ACSS3: variants seen among roughly 807,000 people sequenced by gnomAD.
ACSS3 encodes the protein acyl-CoA synthetase short-chain family member 3, mitochondrial.
In ACSS3, 64 loss-of-function variants were observed where a neutral mutation model predicts 84.2. That is an observed-to-expected ratio of 0.76 (90% CI 0.62 to 0.94). ACSS3 has a LOEUF of 0.94. Among genes scored for constraint, ACSS3 ranks in the 40% least tolerant of loss-of-function variants. The pLI is 0.00. For synonymous variants in ACSS3, 317 were observed against 310.1 expected, an observed-to-expected ratio of 1.02 and a Z score of -0.23; for missense variants, 815 against 867.6, an observed-to-expected ratio of 0.94 and a Z score of 0.76.
At chr12:81,217,886 G>A (rs1166810509) in intron 10 of ACSS3, among the ~76,000 whole-genome samples, 1 of 151,890 alleles carries the variant, frequency 6.6e-6, no homozygotes, top group African/African-American at 2.4e-5. Context: ...CAAAGGGGGA[G>A]GATCCCAAAA....
At chr12:81,248,881 A>C (rs895048942) in intron 13 of ACSS3, among the ~76,000 whole-genome samples, 1 of 151,976 alleles carries the variant, frequency 6.6e-6, no homozygotes, top group Non-Finnish European at 1.5e-5. Context: ...GTACAAAAAA[A>C]CCGTAAAATT....
At chr12:81,156,209 C>CCACA (rs34147790) in intron 7 of ACSS3, among the ~76,000 whole-genome samples, 44,362 of 146,810 alleles carry the variant, frequency 0.3, 8,162 homozygotes, top group Non-Finnish European at 0.42. Context: ...CACACACACC[C>CCACA]CACACACACA....
chr12:81,085,660 AT>A (rs1322966552), intron 1 of ACSS3, among the ~76,000 whole-genome samples: 1 of 152,208 alleles, frequency 6.6e-6, no homozygotes, highest in African/African-American at 2.4e-5. Context: ...CCTGAAAAAG[AT>A]TTTTGGCTAC....
At chr12:81,089,830 T>C (rs1410986574) in intron 1 of ACSS3, among the ~76,000 whole-genome samples, 5 of 152,032 alleles carry the variant, frequency 3.3e-5, no homozygotes, top group Admixed American at 6.6e-5. Flanking sequence ...ATTATCTCTT[T>C]GAATCTTCCC....
intron 7 of ACSS3, among the ~76,000 whole-genome samples, chr12:81,159,600 T>A (rs1461849150): frequency 6.6e-6 from 1 of 152,202 alleles, no homozygotes; most frequent in Non-Finnish European, 1.5e-5. Flanking sequence ...ATGGTACTTC[T>A]TTAGAAATCT....
At chr12:81,144,543 G>A (rs981214032) in intron 5 of ACSS3, among the ~76,000 whole-genome samples, 8 of 152,038 alleles carry the variant, frequency 5.3e-5, no homozygotes, top group African/African-American at 1.9e-4. Flanking sequence ...CTGAACATTT[G>A]GCTATAAAAT....
chr12:81,248,609 A>G (rs1354393013), intron 13 of ACSS3, among the ~76,000 whole-genome samples: 1 of 151,974 alleles, frequency 6.6e-6, no homozygotes, highest in Non-Finnish European at 1.5e-5. Context: ...GTACAAATAA[A>G]CAGTTAGATA....
intron 2 of ACSS3, among the ~76,000 whole-genome samples, chr12:81,120,701 T>C (rs1050269633): frequency 1.3e-5 from 2 of 152,192 alleles, no homozygotes; most frequent in Non-Finnish European, 2.9e-5. Flanking sequence ...CTCACATTTG[T>C]GCACTGGGTA....
chr12:81,115,032 A>G (rs1883921436), intron 2 of ACSS3, among the ~76,000 whole-genome samples: 1 of 152,076 alleles, frequency 6.6e-6, no homozygotes, highest in Non-Finnish European at 1.5e-5. Flanking sequence ...TTTTCACTCA[A>G]CTTTCTGGTG....
intron 7 of ACSS3, chr12:81,158,362 C>G (rs1353829640): frequency 6.5e-6 from 1 of 153,564 alleles, no homozygotes; most frequent in African/African-American, 2.4e-5. Flanking sequence ...CTCTTTAAGG[C>G]CTTGTCTACA....
intron 1 of ACSS3, among the ~76,000 whole-genome samples, chr12:81,088,141 A>G (rs1881439720): frequency 6.6e-6 from 1 of 152,066 alleles, no homozygotes; most frequent in Non-Finnish European, 1.5e-5. Flanking sequence ...CAGAGCTTCA[A>G]TTCTTAGTTC....
chr12:81,197,818 G>C (rs1280990085), intron 8 of ACSS3, among the ~76,000 whole-genome samples: 1 of 151,754 alleles, frequency 6.6e-6, no homozygotes, highest in Non-Finnish European at 1.5e-5. Context: ...ATTTTTCCTT[G>C]TATTTTTCTT....
At chr12:81,130,854 A>T (rs1469173764) in intron 2 of ACSS3, among the ~76,000 whole-genome samples, 3 of 152,220 alleles carry the variant, frequency 2.0e-5, no homozygotes, top group Non-Finnish European at 4.4e-5. Flanking sequence ...ATAGCTAGCC[A>T]GTTCTTCCAG....
chr12:81,185,722 G>A (rs570083551), intron 8 of ACSS3, among the ~76,000 whole-genome samples: 33 of 151,688 alleles, frequency 2.2e-4, no homozygotes, highest in African/African-American at 8.0e-4. Flanking sequence ...ACAAATAAGT[G>A]GAAAGATAGC....
chr12:81,165,294 A>G (rs753966361), intron 7 of ACSS3, among the ~76,000 whole-genome samples: 5 of 152,222 alleles, frequency 3.3e-5, no homozygotes, highest in African/African-American at 4.8e-5. Flanking sequence ...CAGAATAAAT[A>G]TCAGATATGG....
chr12:81,247,850 G>T (rs2034032652), intron 13 of ACSS3, among the ~76,000 whole-genome samples: 1 of 152,088 alleles, frequency 6.6e-6, no homozygotes, highest in Admixed American at 6.5e-5. Context: ...AGGGTTGCCA[G>T]TGGTGAATAC....
rs923811011 is a variant in ACSS3, at chr12:81,255,109, C to T, written c.*187C>T. On this transcript the variant is annotated 3_prime_UTR_variant, in exon 16 of 16. Transcript: ENST00000548058. Reference sequence around the variant, plus strand: ...GACCTGTGCCTTTTTTTTGGTTTGACCCTGTTAGCATTGTTATTAGTTATC... The same window carrying T: ...GACCTGTGCCTTTTTTTTGGTTTGATCCTGTTAGCATTGTTATTAGTTATC... 3 of 534,320 alleles carry T rather than the reference C, an allele frequency of 5.6e-6. No homozygotes were observed. The highest frequency in any genetic ancestry group is 7.3e-5 in the Admixed American group (2 of 27,222). 33.1% of individuals were successfully genotyped at this position (534,320 alleles called of 1,614,324 possible). A position where few individuals can be genotyped will look rare whatever the true frequency, so the allele number is the denominator to read the frequency against.
intron 7 of ACSS3, among the ~76,000 whole-genome samples, chr12:81,165,573 G>A (rs1887363271): frequency 6.6e-6 from 1 of 152,116 alleles, no homozygotes; most frequent in Non-Finnish European, 1.5e-5. Context: ...GTGAACCTGG[G>A]AGGTGGAGTT....
intron 3 of ACSS3, among the ~76,000 whole-genome samples, chr12:81,137,601 G>C (rs1885878163): frequency 6.6e-6 from 1 of 152,126 alleles, no homozygotes; most frequent in Admixed American, 6.6e-5. Flanking sequence ...TAACAAGTCA[G>C]TCTAGACTCA....
Sources: allele counts gnomAD v4.1 joint callset (sites outside exome capture counted in the v4.1 genomes callset), GRCh38; gene constraint gnomAD v4.1.1; transcripts MANE v1.5; gene names NCBI Gene and HGNC (gene_info 2026-07-23, HGNC 2026-07-21).